Variants in ABTB3 observed in about 807,000 individuals in gnomAD.
ABTB3 encodes ankyrin repeat- and BTB/POZ domain-containing protein 3.
At chr12:107,597,416 C>T in the ABTB3 span, among the ~76,000 whole-genome samples, 4 of 152,152 alleles carry the variant, frequency 2.6e-5, no homozygotes, top group Non-Finnish European at 1.5e-5. Context: ...TGGTGAGAGT[C>T]ATCCCACGGC....
At chr12:107,374,249 T>G in the ABTB3 span, among the ~76,000 whole-genome samples, 1 of 152,196 alleles carries the variant, frequency 6.6e-6, no homozygotes. Context: ...CTTTCCTTTT[T>G]CTACTTCCTA....
the ABTB3 span, among the ~76,000 whole-genome samples, chr12:107,508,449 T>G: frequency 1.1e-4 from 13 of 116,430 alleles, no homozygotes; most frequent in South Asian, 6.6e-4. Context: ...TTTTTTTTTT[T>G]TTTTTTTTTT....
At chr12:107,433,291 C>A in the ABTB3 span, among the ~76,000 whole-genome samples, 11 of 109,690 alleles carry the variant, frequency 1.0e-4, no homozygotes, top group African/African-American at 3.8e-4. Flanking sequence ...AGCGAGACTC[C>A]GTCTCAAAAA....
At chr12:107,376,294 T>C in the ABTB3 span, among the ~76,000 whole-genome samples, 1 of 152,246 alleles carries the variant, frequency 6.6e-6, no homozygotes, top group South Asian at 2.1e-4. Flanking sequence ...TTCTCTGTTT[T>C]GTCACCACTG....
chr12:107,508,438 C>CTA, the ABTB3 span, among the ~76,000 whole-genome samples: 2 of 69,150 alleles, frequency 2.9e-5, no homozygotes, highest in African/African-American at 1.1e-4. Flanking sequence ...AAGATCATTT[C>CTA]TTTTTTTTTT....
the ABTB3 span, among the ~76,000 whole-genome samples, chr12:107,546,470 C>G: frequency 6.6e-6 from 1 of 152,230 alleles, no homozygotes; most frequent in Non-Finnish European, 1.5e-5. Context: ...GTCAGCAGGT[C>G]TTACTGAGGC....
At chr12:107,608,914 A>AAATAAAATAG in the ABTB3 span, among the ~76,000 whole-genome samples, 1 of 84,604 alleles carries the variant, frequency 1.2e-5, no homozygotes, top group East Asian at 4.6e-4. Flanking sequence ...AAATAAAATA[A>AAATAAAATAG]AATAAAATAA....
At chr12:107,494,119 G>A in the ABTB3 span, among the ~76,000 whole-genome samples, 21 of 152,098 alleles carry the variant, frequency 1.4e-4, 1 homozygote, top group Admixed American at 1.2e-3. Context: ...CGGCAAGTGA[G>A]AAAAGAACGT....
chr12:107,588,976 C>T, the ABTB3 span, among the ~76,000 whole-genome samples: 1 of 152,168 alleles, frequency 6.6e-6, no homozygotes, highest in East Asian at 1.9e-4. Flanking sequence ...GGACTTGGAG[C>T]CTGACTGCCT....
At chr12:107,471,723 C>G in the ABTB3 span, among the ~76,000 whole-genome samples, 1 of 152,152 alleles carries the variant, frequency 6.6e-6, no homozygotes, top group Admixed American at 6.5e-5. Flanking sequence ...GCAGTGTCCT[C>G]TCTATGAAAC....
chr12:107,560,953 G>A, the ABTB3 span, among the ~76,000 whole-genome samples: 1 of 152,216 alleles, frequency 6.6e-6, no homozygotes, highest in Non-Finnish European at 1.5e-5. Flanking sequence ...AGCATCACCT[G>A]TGATGGCTTT....
chr12:107,573,165 AT>A, the ABTB3 span, among the ~76,000 whole-genome samples: 1 of 152,154 alleles, frequency 6.6e-6, no homozygotes, highest in African/African-American at 2.4e-5. Context: ...CAAGTGGTGT[AT>A]TGTGCATAAT....
At chr12:107,656,995 A>T in the ABTB3 span, among the ~76,000 whole-genome samples, 2 of 152,196 alleles carry the variant, frequency 1.3e-5, no homozygotes, top group Admixed American at 1.3e-4. Context: ...GTGAGCCGAG[A>T]TCATGCCGCT....
chr12:107,526,956 C>A, the ABTB3 span, among the ~76,000 whole-genome samples: 1 of 152,116 alleles, frequency 6.6e-6, no homozygotes, highest in Admixed American at 6.5e-5. Flanking sequence ...CACTGGCCTA[C>A]TGATATTTCT....
At chr12:107,643,752 CTTT>C in the ABTB3 span, among the ~76,000 whole-genome samples, 3 of 111,364 alleles carry the variant, frequency 2.7e-5, no homozygotes, top group Non-Finnish European at 1.8e-5. Context: ...ATTGTTATTC[CTTT>C]TTTTTTTTTT....
chr12:107,483,283 T>C, the ABTB3 span, among the ~76,000 whole-genome samples: 1 of 152,134 alleles, frequency 6.6e-6, no homozygotes, highest in South Asian at 2.1e-4. Flanking sequence ...ACTCAAGCGA[T>C]CTGCTTGCCT....
the ABTB3 span, among the ~76,000 whole-genome samples, chr12:107,534,167 G>A: frequency 6.6e-6 from 1 of 150,594 alleles, no homozygotes; most frequent in African/African-American, 2.5e-5. Context: ...ACTGTGAATA[G>A]CCACTTCGTT....
At chr12:107,392,552 CAG>C in the ABTB3 span, among the ~76,000 whole-genome samples, 2 of 152,148 alleles carry the variant, frequency 1.3e-5, no homozygotes, top group Non-Finnish European at 2.9e-5. Context: ...TCTCGTCTTT[CAG>C]AGTGGGACCC....
the ABTB3 span, among the ~76,000 whole-genome samples, chr12:107,451,388 C>T: frequency 7.9e-5 from 12 of 152,308 alleles, no homozygotes; most frequent in East Asian, 9.6e-4. Context: ...CCCTCTGCTG[C>T]GTTACGCAGT....
Sources: allele counts gnomAD v4.1 joint callset (sites outside exome capture counted in the v4.1 genomes callset), GRCh38; gene constraint gnomAD v4.1.1; transcripts MANE v1.5; gene names NCBI Gene and HGNC (gene_info 2026-07-23, HGNC 2026-07-21).